THSD7B: variants seen among roughly 807,000 people sequenced by gnomAD.
THSD7B encodes thrombospondin type-1 domain-containing protein 7B.
Under a neutral mutation model 213.6 loss-of-function variants are expected in THSD7B, and 138 were observed. The observed-to-expected ratio is 0.65, with a 90% CI of 0.56 to 0.74. The LOEUF is 0.74. THSD7B is among the 30% of genes least tolerant of loss of function. The pLI is 0.00. For synonymous variants in THSD7B, 742 were observed against 687.0 expected, an observed-to-expected ratio of 1.08 and a Z score of -1.25; for missense variants, 1,931 against 1,991.5, an observed-to-expected ratio of 0.97 and a Z score of 0.58.
At chr2:137,537,583 C>T (rs1026606714) in intron 15 of THSD7B, among the ~76,000 whole-genome samples, 5 of 151,406 alleles carry the variant, frequency 3.3e-5, no homozygotes, top group Non-Finnish European at 7.4e-5. Flanking sequence ...TTATAAGATG[C>T]CAGGTATATG....
chr2:136,807,508 C>CTTTTTTTTTTTTTTTTTTTTTTTTT (rs1314267493), intron 1 of THSD7B, among the ~76,000 whole-genome samples: 1 of 49,576 alleles, frequency 2.0e-5, no homozygotes, highest in African/African-American at 8.4e-5. Flanking sequence ...CAAAATGTTT[C>CTTTTTTTTTTTTTTTTTTTTTTTTT]GTTTTTTTTT....
intron 21 of THSD7B, among the ~76,000 whole-genome samples, chr2:137,650,154 G>T (rs1268807686): frequency 1.3e-5 from 2 of 152,140 alleles, no homozygotes; most frequent in African/African-American, 2.4e-5. Flanking sequence ...GATTGCACTA[G>T]ATCTGTAAAT....
intron 2 of THSD7B, among the ~76,000 whole-genome samples, chr2:136,919,726 C>T (rs1372432450): frequency 1.3e-5 from 2 of 152,168 alleles, no homozygotes; most frequent in Non-Finnish European, 2.9e-5. Flanking sequence ...CTGCATATGG[C>T]TCACACTACT....
chr2:137,561,105 G>A (rs939451647), intron 15 of THSD7B, among the ~76,000 whole-genome samples: 2 of 152,126 alleles, frequency 1.3e-5, no homozygotes, highest in Non-Finnish European at 2.9e-5. Context: ...TACTCAAGAA[G>A]GTATCTCCAC....
rs1447691363 is a variant in THSD7B, at chr2:137,290,092, T to G, written c.2500+14066T>G. ...TCATTTTAAATCCAGTAATTACTTT[T>G]CAGCCCCAAAGAGTTTTCTTTTTTT... On this transcript the variant is annotated intron_variant, in intron 12 of 27. Transcript: ENST00000409968. Among the ~76,000 whole-genome samples the G allele has an allele frequency of 5.3e-5, 8 of 151,514 alleles. No individual in the cohort carries two copies. The East Asian group carries it at 1.4e-3, about 26-fold the overall frequency.
chr2:137,044,731 C>CA (rs1266429713), intron 2 of THSD7B, among the ~76,000 whole-genome samples: 1 of 152,148 alleles, frequency 6.6e-6, no homozygotes, highest in East Asian at 1.9e-4. Flanking sequence ...ATACTATACT[C>CA]ATCTTTCTTC....
intron 12 of THSD7B, among the ~76,000 whole-genome samples, chr2:137,308,823 G>T (rs1430735502): frequency 1.3e-5 from 2 of 151,946 alleles, no homozygotes; most frequent in East Asian, 1.9e-4. Context: ...ACACACAACT[G>T]TTTTTTTCCT....
intron 12 of THSD7B, among the ~76,000 whole-genome samples, chr2:137,297,813 T>G (rs1683502707): frequency 6.6e-6 from 1 of 152,152 alleles, no homozygotes; most frequent in Admixed American, 6.5e-5. Flanking sequence ...TAAGAAGTGT[T>G]TTTAGCCTTC....
chr2:137,561,402 T>G (rs1457511036), intron 15 of THSD7B, among the ~76,000 whole-genome samples: 1 of 152,164 alleles, frequency 6.6e-6, no homozygotes, highest in Non-Finnish European at 1.5e-5. Flanking sequence ...ATCTCAACCC[T>G]TTGCTCTTAA....
intron 2 of THSD7B, among the ~76,000 whole-genome samples, chr2:136,890,079 T>A (rs988426598): frequency 1.3e-5 from 2 of 152,108 alleles, no homozygotes; most frequent in African/African-American, 4.8e-5. Context: ...TGTATTATAG[T>A]CCCCAGTGCC....
chr2:136,794,430 G>A (rs1330470833), intron 1 of THSD7B, among the ~76,000 whole-genome samples: 2 of 151,370 alleles, frequency 1.3e-5, no homozygotes, highest in Non-Finnish European at 3.0e-5. Context: ...CAAACATTTT[G>A]TAATTTCATT....
At chr2:136,954,740 T>TAAAAAAAAAAAAAG (rs773677139) in intron 2 of THSD7B, among the ~76,000 whole-genome samples, 15 of 137,486 alleles carry the variant, frequency 1.1e-4, no homozygotes, top group African/African-American at 2.5e-4. Context: ...AAAAAGAAAT[T>TAAAAAAAAAAAAAG]ACATAAGAGC....
intron 1 of THSD7B, among the ~76,000 whole-genome samples, chr2:136,865,159 A>G (rs77311106): frequency 6.6e-6 from 1 of 152,184 alleles, no homozygotes; most frequent in East Asian, 1.9e-4. Context: ...TCTCCTTCCT[A>G]GAGAACTGCC....
At chr2:137,608,666 T>C (rs1478125662) in intron 17 of THSD7B, among the ~76,000 whole-genome samples, 1 of 152,230 alleles carries the variant, frequency 6.6e-6, no homozygotes, top group African/African-American at 2.4e-5. Context: ...GCTATTATTT[T>C]GGGAATAGCA....
At chr2:137,473,023 C>T (rs1688122550) in intron 15 of THSD7B, among the ~76,000 whole-genome samples, 1 of 151,344 alleles carries the variant, frequency 6.6e-6, no homozygotes, top group Non-Finnish European at 1.5e-5. Context: ...GTTGCAGACA[C>T]AAGTCTTCCA....
Position 137,231,221 on chromosome 2 carries a change from C to T in THSD7B, c.1901C>T (p.Ala634Val). ...GKQTRSRTIL[A>V]LAGEGGKPCP... is the part of the protein sequence containing the mutation. ...CAGACCAGGTCAAGAACTATCCTGG[C>T]ACTGGCTGGGGAAGGTGAGTAACAG... The change falls in exon 8 of 28, where the codon GCA becomes GTA. Residue 634 changes from alanine (A) to valine (V), a missense_variant. By Grantham distance (64) the Ala-to-Val change is moderately conservative. Transcript: ENST00000409968. The T allele has an allele frequency of 6.2e-7, 1 of 1,610,004 alleles. No individual in the cohort carries two copies.
chr2:136,855,341 C>A (rs779577798), intron 1 of THSD7B, among the ~76,000 whole-genome samples: 27 of 152,104 alleles, frequency 1.8e-4, no homozygotes, highest in Non-Finnish European at 1.0e-4. Context: ...ATCTTAAAAT[C>A]GCTTCCTTTA....
intron 7 of THSD7B, among the ~76,000 whole-genome samples, chr2:137,194,393 C>T (rs1037385966): frequency 4.6e-5 from 7 of 152,292 alleles, no homozygotes; most frequent in African/African-American, 1.7e-4. Flanking sequence ...TAGAGCAGCC[C>T]CTCCTGGGAA....
At chr2:137,616,058 C>A in intron 17 of THSD7B, 117 bp from the exon 18 acceptor site, 3 of 1,026,356 alleles carry the variant, frequency 2.9e-6, no homozygotes, top group Non-Finnish European at 2.7e-6. Flanking sequence ...TATGTTTAAC[C>A]CTCTAGATAA....
Sources: gnomAD v4.1 joint callset for allele counts (sites outside exome capture counted in the v4.1 genomes callset) on GRCh38, gnomAD v4.1.1 for gene constraint, MANE v1.5 for transcripts, NCBI Gene and HGNC (gene_info 2026-07-23, HGNC 2026-07-21) for gene names.